Variants in CNOT6 observed in about 807,000 individuals in gnomAD.
The protein encoded by CNOT6 is carbon catabolite repression 4 protein.
A neutral mutation model predicts 61.2 loss-of-function variants in CNOT6; 12 were observed. The ratio of observed to expected loss-of-function variants is 0.20; its 90% CI spans 0.13 to 0.32. The LOEUF (loss-of-function observed/expected upper bound fraction) is 0.32, where lower values mean the gene tolerates loss of function less well. Ranked by LOEUF, CNOT6 falls within the 10% of genes least tolerant of loss-of-function variation. CNOT6 has a pLI of 1.00. For missense variants in CNOT6, 405 were observed against 663.9 expected (o/e 0.61, Z 4.28); for synonymous variants, 225 against 240.6 (o/e 0.94, Z 0.60).
chr5:180,549,376 A>T (rs541727078), intron 2 of CNOT6, among the ~76,000 whole-genome samples: 1 of 152,176 alleles, frequency 6.6e-6, no homozygotes, highest in Non-Finnish European at 1.5e-5. Flanking sequence ...TTGGCCGGGC[A>T]CAGTGGCTCA....
intron 1 of CNOT6, among the ~76,000 whole-genome samples, chr5:180,523,498 C>T (rs1399415083): frequency 6.6e-6 from 1 of 152,146 alleles, no homozygotes; most frequent in Non-Finnish European, 1.5e-5. Flanking sequence ...AGACCAGAGG[C>T]TCTCCCCCTT....
chr5:180,512,603 T>C (rs1005393415), intron 1 of CNOT6, among the ~76,000 whole-genome samples: 2 of 152,194 alleles, frequency 1.3e-5, no homozygotes, highest in Non-Finnish European at 2.9e-5. Context: ...TTTATTCTTA[T>C]TTATTTATTT....
intron 2 of CNOT6, among the ~76,000 whole-genome samples, chr5:180,548,720 T>TA (rs1011673617): frequency 6.6e-6 from 1 of 152,228 alleles, no homozygotes; most frequent in Non-Finnish European, 1.5e-5. Context: ...TATTATCTGA[T>TA]ACGATGGTTG....
intron 8 of CNOT6, 107 bp from the exon 9 acceptor site, chr5:180,567,742 T>G (rs1760535543): frequency 6.9e-7 from 1 of 1,448,922 alleles, no homozygotes; most frequent in Admixed American, 1.8e-5. Flanking sequence ...GTGATTTAAG[T>G]GCCATCGTAT....
At chr5:180,570,716 C>G (rs1454142637) in intron 10 of CNOT6, among the ~76,000 whole-genome samples, 2 of 152,160 alleles carry the variant, frequency 1.3e-5, no homozygotes, top group Non-Finnish European at 2.9e-5. Context: ...CCATCTTATG[C>G]TTAGTAAATT....
intron 11 of CNOT6, among the ~76,000 whole-genome samples, chr5:180,573,239 A>T (rs1439990790): frequency 1.3e-5 from 2 of 152,172 alleles, no homozygotes. Context: ...TCAGATGGGA[A>T]CAGTTTAGTA....
intron 1 of CNOT6, among the ~76,000 whole-genome samples, chr5:180,521,451 C>T (rs973065138): frequency 1.3e-5 from 2 of 152,110 alleles, no homozygotes; most frequent in Non-Finnish European, 2.9e-5. Context: ...TTTTGAATTA[C>T]TTATTTTTGC....
rs1488120543 is a variant in CNOT6 at position 180,574,177 on chromosome 5, A to G, written c.1651A>G (p.Ile551Val). The G allele has an allele frequency of 1.2e-6, 2 of 1,613,700 alleles. No individual in the cohort carries two copies. The highest frequency in any genetic ancestry group is 8.5e-7 in the Non-Finnish European group (1 of 1,179,980). Reference sequence around the variant, plus strand: ...GCCTTTCCTGCCCCAAGTCAACGGCATCCACCTTCCTGGCAGGAGGTAGTC... The same window carrying G: ...GCCTTTCCTGCCCCAAGTCAACGGCGTCCACCTTCCTGGCAGGAGGTAGTC... ...LLPFLPQVNG[I>V]HLPGRR Residue 551 changes from isoleucine to valine, a missense_variant, in exon 12 of 12, where the codon ATC becomes GTC. Physicochemically the swap from Ile to Val is conservative, Grantham distance 29 (BLOSUM62 3). Coordinates refer to ENST00000261951, the MANE Select transcript of CNOT6 (RefSeq NM_001370472.1).
At chr5:180,499,857 T>C (rs189758593) in intron 1 of CNOT6, among the ~76,000 whole-genome samples, 426 of 152,332 alleles carry the variant, frequency 2.8e-3, no homozygotes, top group Non-Finnish European at 4.7e-3. Flanking sequence ...TGGAAGGTTG[T>C]AACACGAGAA....
In CNOT6 at chr5:180,553,476, G is replaced by A; in HGVS notation, c.385+5G>A. The A allele has an allele frequency of 6.2e-7, 1 of 1,605,646 alleles. No individual in the cohort carries two copies. Among genetic ancestry groups the A allele is most frequent in the Non-Finnish European group, 8.5e-7 (1 of 1,172,790 alleles). ...TGCAGACTTTAGGCCTGAAAGGTAT[G>A]ACTTCCATATTTGTACTTCTTATGG... On this transcript the variant is annotated splice_donor_5th_base_variant and intron_variant, in intron 4 of 11. Coordinates refer to ENST00000261951, the MANE Select transcript of CNOT6 (RefSeq NM_001370472.1).
chr5:180,505,616 C>T (rs1581468741), intron 1 of CNOT6, among the ~76,000 whole-genome samples: 1 of 143,676 alleles, frequency 7.0e-6, no homozygotes, highest in South Asian at 2.2e-4. Context: ...GGCGCGATCT[C>T]GGCTCACTGC....
At chr5:180,548,892 A>G (rs1055942011) in intron 2 of CNOT6, among the ~76,000 whole-genome samples, 1 of 152,230 alleles carries the variant, frequency 6.6e-6, no homozygotes, top group African/African-American at 2.4e-5. Context: ...CTGAACCAGT[A>G]AGGAGATTAT....
At chr5:180,532,074 G>A (rs1181812014) in intron 2 of CNOT6, among the ~76,000 whole-genome samples, 1 of 152,198 alleles carries the variant, frequency 6.6e-6, no homozygotes, top group Non-Finnish European at 1.5e-5. Context: ...TGGTCATGGA[G>A]AGTGAAATTT....
chr5:180,545,423 C>T (rs1759265706), intron 2 of CNOT6, among the ~76,000 whole-genome samples: 2 of 152,042 alleles, frequency 1.3e-5, no homozygotes, highest in South Asian at 4.2e-4. Context: ...ACAGTATGTA[C>T]CCTTTTTTCT....
intron 1 of CNOT6, among the ~76,000 whole-genome samples, chr5:180,526,469 G>A (rs1758107354): frequency 6.6e-6 from 1 of 152,168 alleles, no homozygotes; most frequent in Non-Finnish European, 1.5e-5. Context: ...TCGTAGAAAG[G>A]GCCCTTCTGG....
chr5:180,543,188 A>G (rs568208985), intron 2 of CNOT6, among the ~76,000 whole-genome samples: 1 of 152,194 alleles, frequency 6.6e-6, no homozygotes, highest in Admixed American at 6.5e-5. Flanking sequence ...CCTCCCTAGT[A>G]GCTGGGACTA....
chr5:180,535,988 GTTTTTTTTTTTTTTTTT>G (rs756489493), intron 2 of CNOT6, among the ~76,000 whole-genome samples: 2 of 62,444 alleles, frequency 3.2e-5, no homozygotes, highest in South Asian at 1.7e-3. Flanking sequence ...ACTTATTAGG[GTTTTTTTTTTTTTTTTT>G]TTTTTTTTTT....
At position 180,503,513 on chromosome 5, in the gene CNOT6, C is replaced by G. The variant is rs190661870; in HGVS notation, c.-3+8750C>G. On this transcript the variant is annotated intron_variant, in intron 1 of 11. Coordinates refer to ENST00000261951, the MANE Select transcript of CNOT6 (RefSeq NM_001370472.1). ...CTCCTGACCTGAAGTGATGTGCCTG[C>G]TTCGGCACCCCAAAGTGCTGGGATT... 4.0e-5 allele frequency among the ~76,000 whole-genome samples: 6 copies of G among 151,498 alleles called. No homozygotes were observed. In the East Asian group the frequency reaches 1.2e-3, roughly 30 times the overall value.
chr5:180,574,255 A>C lies in CNOT6; in HGVS notation c.*55A>C, dbSNP rs1375465098. ...CACTTGTAAACTTGTGAAAATCTGA[A>C]CATAGGGGAGTGAGGTATGGCCACT... On this transcript the variant is annotated 3_prime_UTR_variant, in exon 12 of 12. Transcript: ENST00000261951. 2.7e-6 allele frequency: 4 copies of C among 1,455,834 alleles called. No homozygotes were observed. The African/African-American group carries it at 5.6e-5, about 20-fold the overall frequency. The allele number at this position is 1,455,834 out of a possible 1,614,324, so 90.2% of individuals were successfully genotyped here. A position where few individuals can be genotyped will look rare whatever the true frequency, so the allele number is the denominator to read the frequency against.
Sources: allele counts gnomAD v4.1 joint callset (sites outside exome capture counted in the v4.1 genomes callset), GRCh38; gene constraint gnomAD v4.1.1; transcripts MANE v1.5; gene names NCBI Gene and HGNC (gene_info 2026-07-23, HGNC 2026-07-21).